The following PLOD2 variants were observed in gnomAD, a reference collection of about 807,000 sequenced individuals.
PLOD2 encodes the protein procollagen-lysine,2-oxoglutarate 5-dioxygenase 2, also known as lysine hydroxylase 2.
A neutral mutation model predicts 101.0 loss-of-function variants in PLOD2; 65 were observed. That is an observed-to-expected ratio of 0.64 (90% CI 0.53 to 0.79). The LOEUF (loss-of-function observed/expected upper bound fraction) is 0.79. PLOD2 is among the 30% of genes least tolerant of loss of function. The pLI is 0.00. For synonymous variants in PLOD2, 314 were observed against 302.9 expected (o/e 1.04, Z -0.38); for missense variants, 909 against 914.6 (o/e 0.99, Z 0.08).
At chr3:146,122,988 T>C (rs2030281624) in intron 2 of PLOD2, among the ~76,000 whole-genome samples, 1 of 152,168 alleles carries the variant, frequency 6.6e-6, no homozygotes, top group Non-Finnish European at 1.5e-5. Flanking sequence ...TTTCCATCTA[T>C]CATAGTAACA....
At chr3:146,138,205 A>G (rs2031343466) in intron 1 of PLOD2, among the ~76,000 whole-genome samples, 1 of 152,088 alleles carries the variant, frequency 6.6e-6, no homozygotes, top group South Asian at 2.1e-4. Flanking sequence ...AGGTGCCATA[A>G]GTTCACTAAT....
intron 15 of PLOD2, chr3:146,075,824 C>CA (rs1274380244): frequency 6.6e-6 from 1 of 151,548 alleles, no homozygotes; most frequent in Non-Finnish European, 1.5e-5. Context: ...TTCCCTTCCC[C>CA]AAAGCTAATA....
intron 1 of PLOD2, among the ~76,000 whole-genome samples, chr3:146,131,134 CAT>C (rs750226121): frequency 1.5e-4 from 23 of 152,328 alleles, no homozygotes; most frequent in South Asian, 2.1e-4. Context: ...ACATTTCACA[CAT>C]GTTGTCACAA....
intron 12 of PLOD2, among the ~76,000 whole-genome samples, chr3:146,080,751 A>T (rs2108009247): frequency 6.6e-6 from 1 of 152,182 alleles, no homozygotes; most frequent in East Asian, 1.9e-4. Flanking sequence ...TGTCTATACA[A>T]CTCACCCAGA....
At position 146,110,274 on chromosome 3, in the gene PLOD2, A is replaced by C. The variant is rs373358781; in HGVS notation, c.502+11T>G. On this transcript the variant is annotated intron_variant, in intron 4 of 19. Coordinates refer to ENST00000282903, the MANE Select transcript of PLOD2 (RefSeq NM_182943.3). ...ACTTGCATTAAACTTTTCTTCCAGT[A>C]TCTAACTCACCTCCTGAATTCAGAT... The C allele has an allele frequency of 4.3e-6, 7 of 1,612,108 alleles. No homozygotes were observed. The South Asian group carries it at 6.6e-5, about 15-fold the overall frequency.
At chr3:146,119,690 G>T (rs2029920031) in intron 3 of PLOD2, among the ~76,000 whole-genome samples, 1 of 151,614 alleles carries the variant, frequency 6.6e-6, no homozygotes, top group African/African-American at 2.4e-5. Flanking sequence ...AGAATATGCG[G>T]TGTTTGGTTT....
At chr3:146,124,481 C>T (rs1041049977) in intron 1 of PLOD2, among the ~76,000 whole-genome samples, 2 of 151,992 alleles carry the variant, frequency 1.3e-5, no homozygotes, top group African/African-American at 2.4e-5. Flanking sequence ...AAAAATCATG[C>T]CATCAATAAA....
chr3:146,160,982 C>T lies in PLOD2; in HGVS notation c.8G>A (p.Gly3Glu). MG[G>E]CTVKPQLLLL... ...CAGCAGCTGAGGCTTCACCGTGCAT[C>T]CCCCCATATTCGGCCCTCGAGGGCC... The change falls in exon 1 of 20, where the codon GGA becomes GAA. Residue 3 changes from glycine (G) to glutamate (E), a missense_variant. Physicochemically the swap from Gly to Glu is moderately conservative, Grantham distance 98. Transcript: ENST00000282903. The T allele has an allele frequency of 9.5e-6, 15 of 1,579,732 alleles. No individual in the cohort carries two copies. Among genetic ancestry groups the T allele is most frequent in the Non-Finnish European group, 1.3e-5 (15 of 1,162,016 alleles).
At position 146,107,849 on chromosome 3, in the gene PLOD2, G is replaced by A. The variant is rs534579863; in HGVS notation, c.503-1205C>T. Among the ~76,000 whole-genome samples the A allele has an allele frequency of 2.0e-5, 3 of 151,726 alleles. No homozygotes were observed. The South Asian group carries it at 6.3e-4, about 32-fold the overall frequency. ...AGTAGAGATGGGGTTTCGCCATGTT[G>A]GTCAGACTGGTCTCGAACTCCTGAC... On this transcript the variant is annotated intron_variant, in intron 4 of 19. Coordinates refer to ENST00000282903, the MANE Select transcript of PLOD2 (RefSeq NM_182943.3).
rs912602710 is a variant in PLOD2 at position 146,072,462 on chromosome 3, A to T, written c.1848+99T>A. ...GCCAATTTATCTAAGTCTAGAACTC[A>T]GAGACATATGAGAAAAAGTATATAA... On this transcript the variant is annotated intron_variant, in intron 17 of 19. Transcript: ENST00000282903. The T allele has an allele frequency of 1.1e-5, 9 of 812,626 alleles. No individual in the cohort carries two copies. The African/African-American group carries it at 1.5e-4, about 14-fold the overall frequency. 50.3% of individuals were successfully genotyped at this position (812,626 alleles called of 1,614,324 possible).
At chr3:146,096,072 G>A (rs1937146521) in intron 7 of PLOD2, among the ~76,000 whole-genome samples, 1 of 149,632 alleles carries the variant, frequency 6.7e-6, no homozygotes, top group Non-Finnish European at 1.5e-5. Flanking sequence ...TTTTTTTGGT[G>A]GAGACGGGGT....
intron 1 of PLOD2, among the ~76,000 whole-genome samples, chr3:146,147,243 T>C (rs184304833): frequency 3.1e-3 from 465 of 152,260 alleles, no homozygotes; most frequent in African/African-American, 0.011. Context: ...ACTTAATATA[T>C]CTATGTTCAG....
chr3:146,103,951 G>A (rs1180284856), intron 6 of PLOD2, among the ~76,000 whole-genome samples: 2 of 151,736 alleles, frequency 1.3e-5, no homozygotes, highest in East Asian at 1.9e-4. Flanking sequence ...TGGGTAATTC[G>A]TAATACAAAG....
chr3:146,149,828 T>G (rs1364176955), intron 1 of PLOD2, among the ~76,000 whole-genome samples: 2 of 151,408 alleles, frequency 1.3e-5, no homozygotes, highest in Admixed American at 1.3e-4. Context: ...TAACTATATA[T>G]GTTTTTAAAA....
intron 1 of PLOD2, 107 bp from the exon 2 acceptor site, chr3:146,124,336 TG>T: frequency 1.5e-6 from 1 of 682,632 alleles, no homozygotes; most frequent in South Asian, 1.6e-5. Flanking sequence ...GGGAATATTC[TG>T]GTTTACTTAT....
intron 3 of PLOD2, among the ~76,000 whole-genome samples, chr3:146,114,910 T>C (rs1234687177): frequency 3.3e-5 from 5 of 152,136 alleles, no homozygotes. Flanking sequence ...GATGTCTTCA[T>C]TAAAATCGAC....
At chr3:146,154,744 A>G (rs1339317661) in intron 1 of PLOD2, among the ~76,000 whole-genome samples, 1 of 152,220 alleles carries the variant, frequency 6.6e-6, no homozygotes, top group East Asian at 1.9e-4. Context: ...AGAAATTTTA[A>G]AATGATTTTT....
At chr3:146,101,108 G>A (rs1256866369) in intron 7 of PLOD2, among the ~76,000 whole-genome samples, 1 of 152,168 alleles carries the variant, frequency 6.6e-6, no homozygotes, top group Non-Finnish European at 1.5e-5. Context: ...AATGCTGCAA[G>A]TCTTAATCTC....
intron 12 of PLOD2, among the ~76,000 whole-genome samples, chr3:146,080,608 C>G (rs1206055343): frequency 6.6e-6 from 1 of 151,832 alleles, no homozygotes; most frequent in African/African-American, 2.4e-5. Context: ...TATTTTTTTC[C>G]TTATACTTTA....
Sources: gnomAD v4.1 joint callset for allele counts (sites outside exome capture counted in the v4.1 genomes callset) on GRCh38, gnomAD v4.1.1 for gene constraint, MANE v1.5 for transcripts, NCBI Gene and HGNC (gene_info 2026-07-23, HGNC 2026-07-21) for gene names.